Variants in WWTR1 observed in about 807,000 individuals in gnomAD.
WWTR1 encodes the protein WW domain containing transcription regulator 1.
WWTR1 carries 13 observed loss-of-function variants against 40.1 expected under a neutral mutation model. The observed-to-expected ratio is 0.32, with a 90% CI of 0.21 to 0.52. The LOEUF (loss-of-function observed/expected upper bound fraction) is 0.52. Ranked by LOEUF, WWTR1 falls within the 20% of genes least tolerant of loss-of-function variation. The pLI, the probability that WWTR1 is intolerant of heterozygous loss-of-function variation, is 0.97. For missense variants in WWTR1, 436 were observed against 523.1 expected (o/e 0.83, Z 1.63); for synonymous variants, 230 against 210.1 (o/e 1.09, Z -0.82).
At chr3:149,610,963 C>A (rs554115950) in intron 2 of WWTR1, among the ~76,000 whole-genome samples, 2 of 150,082 alleles carry the variant, frequency 1.3e-5, no homozygotes, top group East Asian at 2.0e-4. Context: ...GGCAGTGAAC[C>A]AAGACCCCAT....
Position 149,517,460 on chromosome 3 carries a change from A to T in WWTR1, c.*3345T>A, listed in dbSNP as rs886484628. On this transcript the variant is annotated 3_prime_UTR_variant, in exon 7 of 7. Coordinates refer to ENST00000360632, the MANE Select transcript of WWTR1 (RefSeq NM_015472.6). ...TGTGTTAGGAAAATGGTCTCTGTCA[A>T]TTGCCCATTTTCCCAATTAAATTAA... is the stretch of plus-strand genomic sequence containing the variant. 2.6e-5 allele frequency: 4 copies of T among 152,230 alleles called. No homozygotes were observed. The highest frequency in any genetic ancestry group is 7.2e-5 in the African/African-American group (3 of 41,458). 9.4% of individuals were successfully genotyped at this position (152,230 alleles called of 1,614,324 possible). A position where few individuals can be genotyped will look rare whatever the true frequency, so the allele number is the denominator to read the frequency against.
At chr3:149,624,119 T>C (rs1487783986) in intron 2 of WWTR1, among the ~76,000 whole-genome samples, 2 of 152,172 alleles carry the variant, frequency 1.3e-5, no homozygotes, top group Non-Finnish European at 2.9e-5. Flanking sequence ...ACTCTGTGAT[T>C]CCTGAATGAT....
upstream of WWTR1, chr3:149,660,046 G>T (rs760998056): frequency 2.6e-5 from 4 of 151,604 alleles, no homozygotes; most frequent in Admixed American, 6.6e-5. Flanking sequence ...AGCCTCCCGA[G>T]TAGCTGGGAT....
intron 2 of WWTR1, among the ~76,000 whole-genome samples, chr3:149,593,989 C>T (rs59383374): frequency 1.6e-4 from 24 of 152,166 alleles, no homozygotes; most frequent in Middle Eastern, 3.4e-3. Context: ...CTGGAAGGGG[C>T]GCTTTTTGGA....
intron 1 of WWTR1, among the ~76,000 whole-genome samples, chr3:149,685,742 C>G (rs1170601966): frequency 6.6e-6 from 1 of 152,166 alleles, no homozygotes; most frequent in Non-Finnish European, 1.5e-5. Context: ...TTTCTTCACT[C>G]TCACTTCCTC....
intron 3 of WWTR1, among the ~76,000 whole-genome samples, chr3:149,551,968 T>C (rs1344974051): frequency 2.1e-5 from 3 of 146,064 alleles, no homozygotes; most frequent in Non-Finnish European, 4.5e-5. Context: ...TCATTTTGTC[T>C]GTAATTTTTG....
At chr3:149,527,758 T>C (rs745907222) in intron 5 of WWTR1, 78 bp downstream of exon 5, 2 of 1,598,006 alleles carry the variant, frequency 1.3e-6, no homozygotes, top group Non-Finnish European at 1.7e-6. Flanking sequence ...CTCTTCCCAA[T>C]GTAAACAAAG....
intron 2 of WWTR1, among the ~76,000 whole-genome samples, chr3:149,622,502 G>GAAGAAAAGA (rs1740343986): frequency 4.3e-5 from 2 of 46,298 alleles, no homozygotes; most frequent in Non-Finnish European, 8.6e-5. Context: ...AGGAAGGAAG[G>GAAGAAAAGA]AAGAAAGAAA....
chr3:149,561,656 A>G (rs886971799), intron 3 of WWTR1, among the ~76,000 whole-genome samples: 1 of 152,268 alleles, frequency 6.6e-6, no homozygotes, highest in Non-Finnish European at 1.5e-5. Flanking sequence ...TCCAGCACAC[A>G]GGACTGGTTA....
At chr3:149,674,088 C>T (rs368798341) in intron 1 of WWTR1, among the ~76,000 whole-genome samples, 2 of 144,986 alleles carry the variant, frequency 1.4e-5, no homozygotes, top group Non-Finnish European at 1.5e-5. Context: ...GCATGGTAGG[C>T]GCAGGCCTGT....
At chr3:149,699,444 T>C (rs6802398) in intron 1 of WWTR1, among the ~76,000 whole-genome samples, 132,701 of 152,122 alleles carry the variant, frequency 0.87, 57,975 homozygotes, top group East Asian at 0.98. Context: ...TAGGCATGTG[T>C]CACCATGCCC....
intron 2 of WWTR1, among the ~76,000 whole-genome samples, chr3:149,617,701 GAGGCAGGAGAATC>G (rs1740052949): frequency 6.6e-6 from 1 of 152,206 alleles, no homozygotes; most frequent in Non-Finnish European, 1.5e-5. Context: ...TTGGGAGGCT[GAGGCAGGAGAATC>G]ACTTGAACCC....
intron 1 of WWTR1, among the ~76,000 whole-genome samples, chr3:149,691,497 A>G (rs1304364315): frequency 3.3e-5 from 5 of 152,108 alleles, no homozygotes; most frequent in Admixed American, 2.6e-4. Context: ...ATACCACAGA[A>G]GTTCAAAAGA....
At chr3:149,558,306 G>A (rs1736933448) in intron 3 of WWTR1, among the ~76,000 whole-genome samples, 1 of 152,018 alleles carries the variant, frequency 6.6e-6, no homozygotes, top group Non-Finnish European at 1.5e-5. Flanking sequence ...ACCTACCTGT[G>A]TGTATATAGC....
chr3:149,635,618 G>A (rs1275538349), intron 2 of WWTR1, among the ~76,000 whole-genome samples: 1 of 151,836 alleles, frequency 6.6e-6, no homozygotes, highest in Non-Finnish European at 1.5e-5. Context: ...GAGGGAGGAG[G>A]AGGAAGGAGA....
At chr3:149,668,726 G>A (rs1254193580) in intron 2 of WWTR1, among the ~76,000 whole-genome samples, 1 of 152,136 alleles carries the variant, frequency 6.6e-6, no homozygotes, top group East Asian at 1.9e-4. Flanking sequence ...GGGAACGGGG[G>A]ATCCCTTTTA....
At chr3:149,668,613 A>AAAAAAAAAAAAC (rs548038608) in intron 2 of WWTR1, among the ~76,000 whole-genome samples, 1,527 of 147,490 alleles carry the variant, frequency 0.01, 32 homozygotes, top group African/African-American at 0.034. Flanking sequence ...GTCTCAAAAA[A>AAAAAAAAAAAAC]AACAACAAAA....
At position 149,554,647 on chromosome 3, in the gene WWTR1, AG is replaced by A. The variant is rs200517178; in HGVS notation, c.569-12111del. 3.2e-3 allele frequency among the ~76,000 whole-genome samples: 494 copies of A among 152,080 alleles called. 2 individuals are homozygous for A. The highest frequency in any genetic ancestry group is 0.011 in the African/African-American group (470 of 41,510). On this transcript the variant is annotated intron_variant, in intron 3 of 6. Coordinates refer to ENST00000360632, the MANE Select transcript of WWTR1 (RefSeq NM_015472.6). ...CATTATAATATATCCAGGGAAGTCT[AG>A]GGAAAAAAAAAAATCACATCTTTCT... is the stretch of plus-strand genomic sequence containing the variant.
chr3:149,620,443 A>G (rs1322314713), intron 2 of WWTR1, among the ~76,000 whole-genome samples: 1 of 152,078 alleles, frequency 6.6e-6, no homozygotes, highest in African/African-American at 2.4e-5. Context: ...AGCTGGATTG[A>G]CAAGTCTTGA....
Sources: gnomAD v4.1 joint callset for allele counts (sites outside exome capture counted in the v4.1 genomes callset) on GRCh38, gnomAD v4.1.1 for gene constraint, MANE v1.5 for transcripts, NCBI Gene and HGNC (gene_info 2026-07-23, HGNC 2026-07-21) for gene names.